Variants in NUDT13 observed in about 807,000 individuals in gnomAD.
The protein encoded by NUDT13 is nudix hydrolase 13.
NUDT13 carries 40 observed loss-of-function variants against 41.7 expected under a neutral mutation model. The ratio of observed to expected loss-of-function variants is 0.96; its 90% confidence interval spans 0.75 to 1.25. The LOEUF is 1.25. Ranked by LOEUF, NUDT13 falls within the 50% of genes most tolerant of loss-of-function variation. The pLI, the probability that NUDT13 is intolerant of heterozygous loss-of-function variation, is 0.00. For synonymous variants in NUDT13, 145 were observed against 155.5 expected, an observed-to-expected ratio of 0.93 and a Z score of 0.50; for missense variants, 390 against 416.1, an observed-to-expected ratio of 0.94 and a Z score of 0.55.
chr10:73,120,104 C>T lies in NUDT13; in HGVS notation c.170C>T (p.Pro57Leu). 6.2e-7 allele frequency: 1 copy of T among 1,614,162 alleles called. No individual in the cohort carries two copies. Among genetic ancestry groups the T allele is most frequent in the Non-Finnish European group, 8.5e-7 (1 of 1,180,018 alleles). The change falls in exon 3 of 9, where the codon CCT becomes CTT. Residue 57 changes from proline (P) to leucine (L), a missense_variant. Transcript: ENST00000357321. ...TTTTACCTCTTTCATAGTCTGGCTCCTCTGCTTCAGACTTCAGCACATCAA... is the reference window on the plus strand; with the variant it reads ...TTTTACCTCTTTCATAGTCTGGCTCTTCTGCTTCAGACTTCAGCACATCAA... ...GAFYLFHSLA[P>L]LLQTSAHQYL...
chr10:73,125,858 A>G (rs984467640), intron 7 of NUDT13, among the ~76,000 whole-genome samples: 8 of 151,398 alleles, frequency 5.3e-5, no homozygotes, highest in African/African-American at 1.9e-4. Context: ...CTAATTTTTA[A>G]AATTTTTTGT....
At chr10:73,124,418 T>C (rs1842723738) in intron 5 of NUDT13, 98 bp downstream of exon 5, 1 of 788,474 alleles carries the variant, frequency 1.3e-6, no homozygotes, top group African/African-American at 1.7e-5. Context: ...TTTGATTTCT[T>C]CTTTTGCAGA....
At position 73,131,034 on chromosome 10, in the gene NUDT13, C is replaced by G; in HGVS notation, c.*131C>G. ...AAGGGCAGAGCAAAGGGTGAGCCTACAGTAAGACACTTCTATCAGCAGTGT... is the reference window on the plus strand; with the variant it reads ...AAGGGCAGAGCAAAGGGTGAGCCTAGAGTAAGACACTTCTATCAGCAGTGT... On this transcript the variant is annotated 3_prime_UTR_variant, in exon 9 of 9. Transcript: ENST00000357321. The G allele has an allele frequency of 1.5e-6, 1 of 659,488 alleles. No individual in the cohort carries two copies. Among genetic ancestry groups the G allele is most frequent in the Non-Finnish European group, 2.6e-6 (1 of 385,204 alleles). 40.9% of individuals were successfully genotyped at this position (659,488 alleles called of 1,614,324 possible). A position where few individuals can be genotyped will look rare whatever the true frequency, so the allele number is the denominator to read the frequency against.
chr10:73,126,940 A>C, intron 8 of NUDT13, 113 bp downstream of exon 8: 3 of 931,996 alleles, frequency 3.2e-6, no homozygotes, highest in South Asian at 1.5e-5. Flanking sequence ...GATTACATAA[A>C]CATGTGTAAA....
chr10:73,124,281 CTT>C lies in NUDT13; in HGVS notation c.428_429del (p.Phe143SerfsTer21). On this transcript the variant is annotated frameshift_variant, in exon 5 of 9. Transcript: ENST00000357321. LOFTEE classifies it high-confidence loss of function. ...GSFIELRKAL[F>X]QLNARDASLL... is the part of the protein sequence containing the mutation. The stretch of plus-strand genomic sequence containing the variant: ...CTTTCATTGAGCTGAGAAAGGCACT[CTT>C]TCAACTCAATGCAAGGGATGCCTCC... 1.9e-6 allele frequency: 3 copies of C among 1,613,476 alleles called. No homozygotes were observed. Among genetic ancestry groups the C allele is most frequent in the Non-Finnish European group, 2.5e-6 (3 of 1,179,818 alleles).
At chr10:73,114,782 C>CA in intron 2 of NUDT13, among the ~76,000 whole-genome samples, 1 of 152,090 alleles carries the variant, frequency 6.6e-6, no homozygotes, top group South Asian at 2.1e-4. Flanking sequence ...GGACTCTAAT[C>CA]TGATTGCGGG....
chr10:73,126,732 GA>G lies in NUDT13; in HGVS notation c.766del (p.Ser256AlafsTer18). On this transcript the variant is annotated frameshift_variant, in exon 8 of 9. Transcript: ENST00000357321. LOFTEE classifies it high-confidence loss of function. ...EVAEEVGLEV[E>X]SLQYYASQHW... Reference sequence around the variant, plus strand: ...TGCAGAAGAGGTGGGATTGGAGGTGGAAAGCCTGCAGTACTATGCATCCCAG... The same window carrying G: ...TGCAGAAGAGGTGGGATTGGAGGTGGAAGCCTGCAGTACTATGCATCCCAG... 6.2e-7 allele frequency: 1 copy of G among 1,614,126 alleles called. No homozygotes were observed. Among genetic ancestry groups the G allele is most frequent in the Non-Finnish European group, 8.5e-7 (1 of 1,180,012 alleles).
chr10:73,123,116 TC>T (rs1476451523), intron 4 of NUDT13, among the ~76,000 whole-genome samples: 1 of 151,664 alleles, frequency 6.6e-6, no homozygotes, highest in Non-Finnish European at 1.5e-5. Context: ...GTCAGGCTGG[TC>T]TCGAACTCCT....
At chr10:73,124,109 T>C in intron 4 of NUDT13, 105 bp from the exon 5 acceptor site, 1 of 749,624 alleles carries the variant, frequency 1.3e-6, no homozygotes, top group Non-Finnish European at 2.3e-6. Context: ...AGCTGAATCT[T>C]ACGAGGCAAG....
chr10:73,129,184 T>TTTC (rs1428211321), intron 8 of NUDT13, among the ~76,000 whole-genome samples: 1 of 149,116 alleles, frequency 6.7e-6, no homozygotes, highest in African/African-American at 2.5e-5. Flanking sequence ...TTTTTTTTTT[T>TTTC]TTTTTGAGAT....
intron 8 of NUDT13, among the ~76,000 whole-genome samples, chr10:73,129,167 CTTT>C (rs900393888): frequency 3.6e-5 from 4 of 110,204 alleles, no homozygotes; most frequent in Non-Finnish European, 3.7e-5. Flanking sequence ...AAGACGTTGT[CTTT>C]TTTTTTTTTT....
At position 73,114,338 on chromosome 10, in the gene NUDT13, CCT is replaced by C; in HGVS notation, c.-9-18_-9-17del. 1 of 1,167,942 alleles carries C rather than the reference CCT, an allele frequency of 8.6e-7. No homozygotes were observed. Among genetic ancestry groups the C allele is most frequent in the Non-Finnish European group, 1.2e-6 (1 of 832,786 alleles). 72.3% of individuals were successfully genotyped at this position (1,167,942 alleles called of 1,614,324 possible). ...TCATATTATGACTTTTTTTAAAACT[CCT>C]TTTTTTTTTTTTTAAGGACCTGACA... On this transcript the variant is annotated splice_polypyrimidine_tract_variant and intron_variant, in intron 1 of 8. Coordinates refer to ENST00000357321, the MANE Select transcript of NUDT13 (RefSeq NM_015901.6).
chr10:73,125,249 T>C lies in NUDT13; in HGVS notation c.591+6T>C, dbSNP rs751079766. ...ATATAATCTATTATCCACAGGTAATTATTGCTGTAAGAGGACAGTAATCCA... is the reference window on the plus strand; with the variant it reads ...ATATAATCTATTATCCACAGGTAATCATTGCTGTAAGAGGACAGTAATCCA... On this transcript the variant is annotated splice_donor_region_variant and intron_variant, in intron 6 of 8. Coordinates refer to ENST00000357321, the MANE Select transcript of NUDT13 (RefSeq NM_015901.6). 6.2e-7 allele frequency: 1 copy of C among 1,608,784 alleles called. No individual in the cohort carries two copies. Among genetic ancestry groups the C allele is most frequent in the East Asian group, 2.2e-5 (1 of 44,824 alleles).
At position 73,110,477 on chromosome 10, in the gene NUDT13, G is replaced by A. The variant is rs1842337129; in HGVS notation, c.-100G>A. On this transcript the variant is annotated 5_prime_UTR_variant, in exon 1 of 9. Transcript: ENST00000357321. Reference sequence around the variant, plus strand: ...GGCAGAAGCAGCAATGGTCCCTCCAGGGAACGGAAGCCGTTGAACGTGAAC... The same window carrying A: ...GGCAGAAGCAGCAATGGTCCCTCCAAGGAACGGAAGCCGTTGAACGTGAAC... 1 of 152,196 alleles carries A rather than the reference G, an allele frequency of 6.6e-6. No individual in the cohort carries two copies. Among genetic ancestry groups the A allele is most frequent in the African/African-American group, 2.4e-5 (1 of 41,442 alleles). 9.4% of individuals were successfully genotyped at this position (152,196 alleles called of 1,614,324 possible).
chr10:73,119,038 A>G (rs1413352496), intron 2 of NUDT13, among the ~76,000 whole-genome samples: 2 of 151,752 alleles, frequency 1.3e-5, no homozygotes, highest in African/African-American at 4.8e-5. Context: ...GGTTTCATCA[A>G]TGCTCCCTTT....
chr10:73,120,091 C>G lies in NUDT13; in HGVS notation c.157C>G (p.His53Asp). Reference protein sequence around the residue: ...AQQTGAFYLFHSLAPLLQTSA... With the variant: ...AQQTGAFYLFDSLAPLLQTSA... Reference sequence around the variant, plus strand: ...GCAAACAGGAGCGTTTTACCTCTTTCATAGTCTGGCTCCTCTGCTTCAGAC... The same window carrying G: ...GCAAACAGGAGCGTTTTACCTCTTTGATAGTCTGGCTCCTCTGCTTCAGAC... Residue 53 changes from histidine to aspartate, a missense_variant, in exon 3 of 9, where the codon CAT (histidine) becomes GAT (aspartate). His to Asp is a moderately conservative substitution (Grantham distance 81). Coordinates refer to ENST00000357321, the MANE Select transcript of NUDT13 (RefSeq NM_015901.6). The G allele has an allele frequency of 6.2e-7, 1 of 1,614,178 alleles. No homozygotes were observed. The highest frequency in any genetic ancestry group is 8.5e-7 in the Non-Finnish European group (1 of 1,180,012).
In NUDT13 at chr10:73,125,157, TGCA is replaced by T; in HGVS notation, c.510_512del (p.Ser170del). On this transcript the variant is annotated inframe_deletion, in exon 6 of 9. Coordinates refer to ENST00000357321, the MANE Select transcript of NUDT13 (RefSeq NM_015901.6). ...CCGCTGGCATGATGCTCATCAGTTCTGCAGCAGAAGTGGGCAGCCCACCAAGAA... is the reference window on the plus strand; with the variant it reads ...CCGCTGGCATGATGCTCATCAGTTCTGCAGAAGTGGGCAGCCCACCAAGAA... 1.9e-6 allele frequency: 3 copies of T among 1,613,668 alleles called. No individual in the cohort carries two copies. Among genetic ancestry groups the T allele is most frequent in the Non-Finnish European group, 2.5e-6 (3 of 1,179,880 alleles).
intron 8 of NUDT13, among the ~76,000 whole-genome samples, chr10:73,128,122 A>C (rs1012335352): frequency 1.3e-5 from 2 of 152,246 alleles, no homozygotes; most frequent in African/African-American, 4.8e-5. Flanking sequence ...CTTCCTTTTT[A>C]AGGCTGAATA....
At chr10:73,128,770 T>C (rs570730265) in intron 8 of NUDT13, among the ~76,000 whole-genome samples, 2 of 152,360 alleles carry the variant, frequency 1.3e-5, no homozygotes, top group South Asian at 2.1e-4. Context: ...TCTTTGCTTT[T>C]CTTGCCTGTG....
Sources: gnomAD v4.1 joint callset for allele counts (sites outside exome capture counted in the v4.1 genomes callset) on GRCh38, gnomAD v4.1.1 for gene constraint, MANE v1.5 for transcripts, NCBI Gene and HGNC (gene_info 2026-07-23, HGNC 2026-07-21) for gene names.